The following ASZ1 variants were observed in gnomAD, a reference collection of about 807,000 sequenced individuals.
The protein encoded by ASZ1 is ankyrin repeat, SAM and basic leucine zipper domain containing 1, also known as ankyrin repeat, SAM and basic leucine zipper domain-containing protein 1.
ASZ1 carries 67 observed loss-of-function variants against 61.8 expected under a neutral mutation model. That is an observed-to-expected ratio of 1.08 (90% CI 0.89 to 1.33). The LOEUF (loss-of-function observed/expected upper bound fraction) is 1.33, where lower values mean the gene tolerates loss of function less well. Ranked by LOEUF, ASZ1 falls within the 40% of genes most tolerant of loss-of-function variation. ASZ1 has a pLI of 0.00. For synonymous variants in ASZ1, 193 were observed against 192.7 expected, an observed-to-expected ratio of 1.00 and a Z score of -0.01; for missense variants, 577 against 554.5, an observed-to-expected ratio of 1.04 and a Z score of -0.41.
chr7:117,399,386 C>T (rs1030590956), intron 4 of ASZ1, among the ~76,000 whole-genome samples: 5 of 152,190 alleles, frequency 3.3e-5, no homozygotes, highest in Non-Finnish European at 7.3e-5. Context: ...AGTTTTTGTT[C>T]CTAGAGACAC....
At chr7:117,427,157 G>A (rs1305027675) in intron 1 of ASZ1, among the ~76,000 whole-genome samples, 199 bp downstream of exon 1, 3 of 152,116 alleles carry the variant, frequency 2.0e-5, no homozygotes, top group African/African-American at 4.8e-5. Context: ...CTAAAGAAGC[G>A]TATTTGGTGG....
At chr7:117,367,714 A>T in intron 11 of ASZ1, 1 of 964,238 alleles carries the variant, frequency 1.0e-6, no homozygotes, top group Non-Finnish European at 1.3e-6. Flanking sequence ...TAGTAATAAC[A>T]TTTATGATGA....
intron 4 of ASZ1, among the ~76,000 whole-genome samples, chr7:117,390,571 T>C (rs978114086): frequency 7.9e-5 from 12 of 152,188 alleles, no homozygotes; most frequent in African/African-American, 2.7e-4. Context: ...GATGGCTGGG[T>C]CAAATGGTAA....
chr7:117,393,578 T>TA (rs1796515274), intron 4 of ASZ1, among the ~76,000 whole-genome samples: 1 of 152,214 alleles, frequency 6.6e-6, no homozygotes, highest in Non-Finnish European at 1.5e-5. Context: ...AAATGGCATT[T>TA]AAAAAATCAT....
intron 12 of ASZ1, among the ~76,000 whole-genome samples, chr7:117,364,046 A>G (rs1722132541): frequency 6.6e-6 from 1 of 152,198 alleles, no homozygotes; most frequent in Non-Finnish European, 1.5e-5. Flanking sequence ...TTAAATTTAA[A>G]GTTTCTGTTT....
In ASZ1 at chr7:117,427,356, C is replaced by T; in HGVS notation, c.105G>A (p.Gln35=). 1 of 1,614,224 alleles carries T rather than the reference C, an allele frequency of 6.2e-7. No homozygotes were observed. Among genetic ancestry groups the T allele is most frequent in the Non-Finnish European group, 8.5e-7 (1 of 1,180,004 alleles). ...WEIGYLDRTS[Q]KLKRLLPIEE... ...GTCAAGACAAGGCCTCCTCCGCTAC[C>T]TGAGACGTCCGGTCGAGATACCCAA... Residue 35 remains glutamine (Q), a splice_region_variant and synonymous_variant, in exon 1 of 13, where the codon CAG becomes CAA. Coordinates refer to ENST00000284629, the MANE Select transcript of ASZ1 (RefSeq NM_130768.3).
intron 4 of ASZ1, among the ~76,000 whole-genome samples, chr7:117,402,764 G>C (rs967293549): frequency 6.6e-6 from 1 of 152,012 alleles, no homozygotes; most frequent in African/African-American, 2.4e-5. Context: ...GTAGTCCTAC[G>C]CCTTATCTAT....
chr7:117,399,263 A>C (rs1796633269), intron 4 of ASZ1, among the ~76,000 whole-genome samples: 1 of 152,196 alleles, frequency 6.6e-6, no homozygotes, highest in South Asian at 2.1e-4. Flanking sequence ...ATGCTAAAAA[A>C]ATACAAAACA....
intron 10 of ASZ1, among the ~76,000 whole-genome samples, chr7:117,373,737 G>C (rs1042091474): frequency 4.6e-5 from 7 of 152,022 alleles, no homozygotes; most frequent in African/African-American, 1.7e-4. Flanking sequence ...AAATTCAGTA[G>C]CTTTTAATAC....
chr7:117,363,712 GTA>G lies in ASZ1; in HGVS notation c.1310_1311del (p.Ile437ThrfsTer11). The G allele has an allele frequency of 6.3e-7, 1 of 1,591,306 alleles. No individual in the cohort carries two copies. Among genetic ancestry groups the G allele is most frequent in the East Asian group, 2.3e-5 (1 of 43,778 alleles). ...CATGTAGATACTTCTTCCCTTAATT[GTA>G]TATGAGTTGGATCATTTTCCCGTTC... ...QNERENDPTH[I>X]QLREEVSTWN... On this transcript the variant is annotated frameshift_variant, in exon 13 of 13. Coordinates refer to ENST00000284629, the MANE Select transcript of ASZ1 (RefSeq NM_130768.3). LOFTEE classifies it high-confidence loss of function.
At position 117,426,851 on chromosome 7, in the gene ASZ1, C is replaced by T. The variant is rs1030497390; in HGVS notation, c.190G>A (p.Glu64Lys). The T allele has an allele frequency of 5.0e-6, 8 of 1,612,728 alleles. No individual in the cohort carries two copies. Among genetic ancestry groups the T allele is most frequent in the African/African-American group, 2.7e-5 (2 of 74,816 alleles). Residue 64 changes from glutamate (E) to lysine (K), a missense_variant, in exon 2 of 13, where the codon GAG (glutamate) becomes AAG (lysine). Glu to Lys is a moderately conservative substitution (Grantham distance 56, BLOSUM62 1). Transcript: ENST00000284629. ...TATCTCTCACCAGAATCTAGGAGCT[C>T]CTGGACCAATGAAACATCTCCGATG... is the stretch of plus-strand genomic sequence containing the variant. The part of the protein sequence containing the change: ...MTIGDVSLVQ[E>K]LLDSGISVDS...
At chr7:117,366,396 T>C (rs1178804473) in intron 12 of ASZ1, among the ~76,000 whole-genome samples, 3 of 152,168 alleles carry the variant, frequency 2.0e-5, no homozygotes, top group African/African-American at 7.2e-5. Flanking sequence ...AATGAAAATG[T>C]TAAATGAATT....
chr7:117,400,535 G>A (rs1432093730), intron 4 of ASZ1, among the ~76,000 whole-genome samples: 22 of 152,206 alleles, frequency 1.4e-4, no homozygotes. Context: ...TTCTTATGGT[G>A]ATGGGGAACT....
chr7:117,375,615 A>C (rs928308163), intron 10 of ASZ1, among the ~76,000 whole-genome samples: 1 of 152,110 alleles, frequency 6.6e-6, no homozygotes, highest in African/African-American at 2.4e-5. Context: ...GAACCCTTGA[A>C]ATCATACAGT....
At chr7:117,399,011 G>A (rs1796627382) in intron 4 of ASZ1, among the ~76,000 whole-genome samples, 1 of 152,120 alleles carries the variant, frequency 6.6e-6, no homozygotes, top group South Asian at 2.1e-4. Context: ...GGAGGATCAT[G>A]TGAGCCCAGG....
chr7:117,380,937 AAGAG>A, intron 9 of ASZ1, 70 bp downstream of exon 9: 1 of 1,330,150 alleles, frequency 7.5e-7, no homozygotes, highest in Non-Finnish European at 1.1e-6. Context: ...GCATTTTAAA[AAGAG>A]AGAAGAAAAG....
intron 4 of ASZ1, among the ~76,000 whole-genome samples, chr7:117,390,768 A>G (rs1211783259): frequency 1.3e-5 from 2 of 152,160 alleles, no homozygotes; most frequent in African/African-American, 4.8e-5. Context: ...CAGTGGCACA[A>G]TCTTGGCTCA....
chr7:117,424,990 T>C (rs1413234906), intron 2 of ASZ1, among the ~76,000 whole-genome samples: 2 of 152,194 alleles, frequency 1.3e-5, no homozygotes, highest in East Asian at 3.8e-4. Flanking sequence ...CGGGCAGAAA[T>C]TGAAGCTTAG....
chr7:117,388,765 T>C (rs1359400253), intron 4 of ASZ1, among the ~76,000 whole-genome samples: 1 of 152,014 alleles, frequency 6.6e-6, no homozygotes, highest in Non-Finnish European at 1.5e-5. Context: ...TACCCAACAT[T>C]GTATTGGAAG....
Sources: gnomAD v4.1 joint callset for allele counts (sites outside exome capture counted in the v4.1 genomes callset) on GRCh38, gnomAD v4.1.1 for gene constraint, MANE v1.5 for transcripts, NCBI Gene and HGNC (gene_info 2026-07-23, HGNC 2026-07-21) for gene names.